SLC25A21: variants seen among roughly 807,000 people sequenced by gnomAD.
SLC25A21 encodes mitochondrial 2-oxodicarboxylate carrier.
A neutral mutation model predicts 43.8 loss-of-function variants in SLC25A21; 47 were observed. The observed-to-expected ratio is 1.07, with a 90% CI of 0.85 to 1.37. The LOEUF (loss-of-function observed/expected upper bound fraction) is 1.37, where lower values mean the gene tolerates loss of function less well. Ranked by LOEUF, SLC25A21 falls within the 40% of genes most tolerant of loss-of-function variation. The pLI, the probability that SLC25A21 is intolerant of heterozygous loss-of-function variation, is 0.00. For missense variants in SLC25A21, 352 were observed against 350.2 expected, an observed-to-expected ratio of 1.00 and a Z score of -0.04; for synonymous variants, 131 against 121.3, an observed-to-expected ratio of 1.08 and a Z score of -0.52.
intron 5 of SLC25A21, among the ~76,000 whole-genome samples, chr14:36,727,146 G>A (rs532455364): frequency 6.6e-6 from 1 of 152,274 alleles, no homozygotes; most frequent in Admixed American, 6.5e-5. Context: ...GCTAAGAGAA[G>A]CCCTGGAGAG....
intron 1 of SLC25A21, among the ~76,000 whole-genome samples, chr14:37,008,645 T>C (rs1960661808): frequency 6.6e-6 from 1 of 152,194 alleles, no homozygotes; most frequent in Admixed American, 6.5e-5. Flanking sequence ...CCTGGTATAA[T>C]GCAGCGATGG....
At chr14:36,853,012 A>T (rs1255552816) in intron 2 of SLC25A21, among the ~76,000 whole-genome samples, 3 of 152,088 alleles carry the variant, frequency 2.0e-5, no homozygotes, top group African/African-American at 2.4e-5. Flanking sequence ...TTACATTCTT[A>T]TTGTGAAAAC....
intron 2 of SLC25A21, among the ~76,000 whole-genome samples, chr14:36,819,763 G>A (rs1162410966): frequency 2.0e-5 from 3 of 152,062 alleles, no homozygotes; most frequent in East Asian, 1.9e-4. Flanking sequence ...TGCATATATA[G>A]TATATATACA....
chr14:37,108,740 C>T lies in SLC25A21; in HGVS notation c.70+63541G>A, dbSNP rs61989534. Among the ~76,000 whole-genome samples, 280 of 110,038 alleles carry T rather than the reference C, an allele frequency of 2.5e-3. 1 individual carries two copies. The highest frequency in any genetic ancestry group is 8.7e-3 in the African/African-American group (272 of 31,280). 72.2% of individuals were successfully genotyped at this position (110,038 alleles called of 152,430 possible). On this transcript the variant is annotated intron_variant, in intron 1 of 9. Transcript: ENST00000331299. ...GTGTGTGTGTGTGTGTGTGTGTGTG[C>T]GTGTGTGTGTTGTGTGCCTCAATCC...
At chr14:36,899,528 T>A (rs1305530644) in intron 1 of SLC25A21, among the ~76,000 whole-genome samples, 1 of 152,164 alleles carries the variant, frequency 6.6e-6, no homozygotes, top group Non-Finnish European at 1.5e-5. Flanking sequence ...TCATGAAGTG[T>A]GCAGAGACCA....
At position 37,116,578 on chromosome 14, in the gene SLC25A21, T is replaced by A. The variant is rs138812192; in HGVS notation, c.70+55703A>T. ...AAAACCTACAGTGAAAGAATCCAGC[T>A]GAGAAAAAATTTCCTTTTGGTTCAA... On this transcript the variant is annotated intron_variant, in intron 1 of 9. Transcript: ENST00000331299. Among the ~76,000 whole-genome samples the A allele has an allele frequency of 2.4e-3, 371 of 152,264 alleles. 2 individuals are homozygous for A. The highest frequency in any genetic ancestry group is 8.4e-3 in the African/African-American group (350 of 41,572).
intron 1 of SLC25A21, among the ~76,000 whole-genome samples, chr14:37,047,256 T>C (rs1961606134): frequency 1.3e-5 from 2 of 152,182 alleles, no homozygotes; most frequent in African/African-American, 4.8e-5. Flanking sequence ...GAAGGGAACA[T>C]GGACTGGGTG....
At chr14:36,798,352 G>A (rs928440339) in intron 3 of SLC25A21, among the ~76,000 whole-genome samples, 4 of 152,096 alleles carry the variant, frequency 2.6e-5, no homozygotes, top group African/African-American at 9.7e-5. Flanking sequence ...AATTGAGAAT[G>A]GTTATATAAG....
intron 1 of SLC25A21, among the ~76,000 whole-genome samples, chr14:36,929,294 C>A (rs965767714): frequency 1.3e-5 from 2 of 152,094 alleles, no homozygotes; most frequent in African/African-American, 4.8e-5. Flanking sequence ...ACTCACAGTC[C>A]ATGGGATTTT....
chr14:37,145,955 C>G (rs926111178), intron 1 of SLC25A21, among the ~76,000 whole-genome samples: 2 of 152,010 alleles, frequency 1.3e-5, no homozygotes, highest in African/African-American at 4.8e-5. Context: ...AACAGTACAT[C>G]GTCTACAGCA....
chr14:36,734,654 G>A, intron 3 of SLC25A21, 81 bp from the exon 4 acceptor site: 2 of 1,069,072 alleles, frequency 1.9e-6, no homozygotes, highest in Non-Finnish European at 1.4e-6. Context: ...TAATCCTAAA[G>A]TATTCCCGAT....
chr14:36,921,189 C>T (rs1891971259), intron 1 of SLC25A21, among the ~76,000 whole-genome samples: 1 of 151,934 alleles, frequency 6.6e-6, no homozygotes, highest in East Asian at 1.9e-4. Flanking sequence ...TGAACTTTGC[C>T]CTACACTGAC....
intron 1 of SLC25A21, among the ~76,000 whole-genome samples, chr14:37,036,513 C>T (rs1594762673): frequency 6.6e-6 from 1 of 152,012 alleles, no homozygotes; most frequent in Non-Finnish European, 1.5e-5. Context: ...TTTGGGAGGC[C>T]GAGACAGGGT....
At chr14:37,069,033 C>T (rs1334155406) in intron 1 of SLC25A21, among the ~76,000 whole-genome samples, 1 of 151,862 alleles carries the variant, frequency 6.6e-6, no homozygotes, top group Admixed American at 6.6e-5. Flanking sequence ...AAAAATTAGC[C>T]GGGCATGGTG....
At chr14:37,122,667 A>C (rs541927220) in intron 1 of SLC25A21, among the ~76,000 whole-genome samples, 8 of 152,138 alleles carry the variant, frequency 5.3e-5, no homozygotes, top group Non-Finnish European at 1.0e-4. Context: ...AACACTACAC[A>C]AAATTTACAC....
intron 1 of SLC25A21, among the ~76,000 whole-genome samples, chr14:37,093,974 G>A (rs1962638219): frequency 6.6e-6 from 1 of 152,134 alleles, no homozygotes; most frequent in Non-Finnish European, 1.5e-5. Flanking sequence ...GTGACACGGT[G>A]GCAATTTTGA....
intron 9 of SLC25A21, 53 bp downstream of exon 9, chr14:36,683,773 AAG>A: frequency 7.8e-7 from 1 of 1,289,748 alleles, no homozygotes; most frequent in Non-Finnish European, 1.1e-6. Context: ...ATATCAAAAA[AAG>A]AGACGCTAGA....
chr14:36,997,938 G>A (rs187890865), intron 1 of SLC25A21, among the ~76,000 whole-genome samples: 12 of 152,140 alleles, frequency 7.9e-5, no homozygotes, highest in South Asian at 4.1e-4. Flanking sequence ...TGATATCATC[G>A]TTTTACAAAT....
intron 1 of SLC25A21, among the ~76,000 whole-genome samples, chr14:37,042,538 C>T (rs1372855371): frequency 2.0e-5 from 3 of 152,070 alleles, no homozygotes; most frequent in African/African-American, 7.2e-5. Context: ...TACAAAAATA[C>T]TCTTTAGATA....
Sources: gnomAD v4.1 joint callset for allele counts (sites outside exome capture counted in the v4.1 genomes callset) on GRCh38, gnomAD v4.1.1 for gene constraint, MANE v1.5 for transcripts, NCBI Gene and HGNC (gene_info 2026-07-23, HGNC 2026-07-21) for gene names.